The following KAZN variants were observed in gnomAD, a reference collection of about 807,000 sequenced individuals.
KAZN encodes kazrin.
In KAZN, 40 loss-of-function variants were observed where a neutral mutation model predicts 87.4. The ratio of observed to expected loss-of-function variants is 0.46; its 90% CI spans 0.36 to 0.60. The LOEUF (loss-of-function observed/expected upper bound fraction) is 0.60. Among genes scored for constraint, KAZN ranks in the 20% least tolerant of loss-of-function variants. KAZN has a pLI of 0.00. For missense variants in KAZN, 898 were observed against 1,073.9 expected, an observed-to-expected ratio of 0.84 and a Z score of 2.29; for synonymous variants, 466 against 458.3, an observed-to-expected ratio of 1.02 and a Z score of -0.22.
At chr1:14,253,885 C>T (rs1409851231) in intron 2 of KAZN, among the ~76,000 whole-genome samples, 1 of 145,568 alleles carries the variant, frequency 6.9e-6, no homozygotes, top group Non-Finnish European at 1.5e-5. Context: ...TTATCAATCA[C>T]TGAATGCTTA....
chr1:14,071,766 C>A (rs1450604809), intron 1 of KAZN, among the ~76,000 whole-genome samples: 1 of 152,178 alleles, frequency 6.6e-6, no homozygotes, highest in Admixed American at 6.5e-5. Context: ...TGTGGACTCC[C>A]AGAAATGCTT....
intron 2 of KAZN, among the ~76,000 whole-genome samples, chr1:14,361,663 G>A (rs1460230665): frequency 3.9e-5 from 6 of 152,230 alleles, no homozygotes; most frequent in Admixed American, 6.5e-5. Flanking sequence ...CATGCCTCAC[G>A]GCACAGTCCC....
chr1:14,285,988 A>C (rs1276267407), intron 2 of KAZN, among the ~76,000 whole-genome samples: 1 of 152,080 alleles, frequency 6.6e-6, no homozygotes, highest in East Asian at 1.9e-4. Flanking sequence ...ACAGGGGCTC[A>C]AGAACTACAC....
chr1:14,458,026 G>A (rs192186625), intron 2 of KAZN, among the ~76,000 whole-genome samples: 16 of 152,104 alleles, frequency 1.1e-4, no homozygotes, highest in South Asian at 6.2e-4. Context: ...GTTTCACTGC[G>A]TTAGCCAGGA....
intron 2 of KAZN, among the ~76,000 whole-genome samples, chr1:14,994,636 A>T (rs976536738): frequency 2.6e-5 from 4 of 152,006 alleles, no homozygotes; most frequent in Non-Finnish European, 4.4e-5. Flanking sequence ...ACCATCACTT[A>T]TCTGTTGTTC....
intron 1 of KAZN, among the ~76,000 whole-genome samples, chr1:14,684,756 G>C (rs141908522): frequency 3.7e-4 from 56 of 152,224 alleles, no homozygotes; most frequent in African/African-American, 1.3e-3. Flanking sequence ...CTTCCTCCCA[G>C]TCTGACTTCT....
intron 2 of KAZN, among the ~76,000 whole-genome samples, chr1:14,367,076 A>G (rs1219501033): frequency 6.6e-6 from 1 of 152,162 alleles, no homozygotes; most frequent in East Asian, 1.9e-4. Context: ...CTAAAATACA[A>G]AAATTAGCGA....
intron 2 of KAZN, among the ~76,000 whole-genome samples, chr1:14,235,242 T>A (rs1180241378): frequency 1.1e-4 from 16 of 152,212 alleles, no homozygotes; most frequent in Admixed American, 8.5e-4. Flanking sequence ...ATATTATTCA[T>A]CCATAAACAA....
Position 13,895,991 on chromosome 1 carries a change from AT to A in KAZN, c.91+2246del, listed in dbSNP as rs34519972. 2.8e-3 allele frequency among the ~76,000 whole-genome samples: 424 copies of A among 150,076 alleles called. 3 individuals carry two copies. Among genetic ancestry groups the A allele is most frequent in the African/African-American group, 9.9e-3 (407 of 40,946 alleles). The stretch of plus-strand genomic sequence containing the variant: ...TAAACTATCTCCTGTAATTTTCATA[AT>A]TTTTTTTTTTATTTTTTGAGACAGG... On this transcript the variant is annotated intron_variant, in intron 1 of 16. Coordinates refer to the KAZN transcript ENST00000636203.
chr1:14,308,679 TG>T (rs1465106422), intron 2 of KAZN, among the ~76,000 whole-genome samples: 1 of 152,194 alleles, frequency 6.6e-6, no homozygotes, highest in African/African-American at 2.4e-5. Context: ...CCTGTTTCCT[TG>T]CCTGCAAAAT....
chr1:14,442,248 C>T (rs923266648), intron 2 of KAZN, among the ~76,000 whole-genome samples: 3 of 152,192 alleles, frequency 2.0e-5, no homozygotes, highest in Admixed American at 1.3e-4. Flanking sequence ...ATTTGGATTG[C>T]GGCTTTGGCA....
At chr1:14,369,753 G>GC (rs1336290184) in intron 2 of KAZN, among the ~76,000 whole-genome samples, 1 of 152,142 alleles carries the variant, frequency 6.6e-6, no homozygotes, top group Non-Finnish European at 1.5e-5. Context: ...TGCAAAGTAA[G>GC]CCCAACGTCC....
At chr1:14,915,346 T>C (rs1023423087) in intron 1 of KAZN, among the ~76,000 whole-genome samples, 5 of 152,302 alleles carry the variant, frequency 3.3e-5, no homozygotes, top group South Asian at 2.1e-4. Flanking sequence ...GGCATAGAGG[T>C]GGCAGTGCTC....
chr1:14,634,493 A>G (rs1459853584), intron 1 of KAZN, among the ~76,000 whole-genome samples: 1 of 152,248 alleles, frequency 6.6e-6, no homozygotes, highest in Non-Finnish European at 1.5e-5. Flanking sequence ...AATAAGGTCC[A>G]TCATTGCTTC....
chr1:14,991,684 A>G (rs1221700600), intron 2 of KAZN, among the ~76,000 whole-genome samples: 3 of 152,210 alleles, frequency 2.0e-5, no homozygotes, highest in Non-Finnish European at 2.9e-5. Flanking sequence ...AAGGCTGGAG[A>G]GGCCAGGCTG....
chr1:14,360,964 A>G (rs1201999360), intron 2 of KAZN, among the ~76,000 whole-genome samples: 1 of 152,202 alleles, frequency 6.6e-6, no homozygotes, highest in Non-Finnish European at 1.5e-5. Flanking sequence ...GAGCTCAAGC[A>G]CTGTGCTAGG....
intron 2 of KAZN, among the ~76,000 whole-genome samples, chr1:14,583,751 G>A (rs888843702): frequency 7.7e-4 from 118 of 152,316 alleles, no homozygotes; most frequent in African/African-American, 2.6e-3. Flanking sequence ...GAAAGCTACA[G>A]TATCCACTCT....
chr1:14,385,525 T>C lies in KAZN; in HGVS notation c.249+204933T>C, dbSNP rs1459678057. ...CTGGTATGTTGTGTCTTTGTTCTCG[T>C]TGGTTTCAAAGAACATCTTTATTTC... On this transcript the variant is annotated intron_variant, in intron 2 of 16. Coordinates refer to the KAZN transcript ENST00000636203. Among the ~76,000 whole-genome samples, 5 of 152,314 alleles carry C rather than the reference T, an allele frequency of 3.3e-5. No individual in the cohort carries two copies. In the South Asian group the frequency reaches 8.3e-4, roughly 25 times the overall value.
chr1:14,678,205 T>TGGGC (rs1374952368), intron 1 of KAZN, among the ~76,000 whole-genome samples: 1 of 151,984 alleles, frequency 6.6e-6, no homozygotes, highest in Non-Finnish European at 1.5e-5. Context: ...ACAGGGTGGG[T>TGGGC]GGGCACTAGC....
Sources: allele counts gnomAD v4.1 joint callset (sites outside exome capture counted in the v4.1 genomes callset), GRCh38; gene constraint gnomAD v4.1.1; transcripts MANE v1.5; gene names NCBI Gene and HGNC (gene_info 2026-07-23, HGNC 2026-07-21).